Variants in CCDC192 observed in about 807,000 individuals in gnomAD.
CCDC192 encodes coiled-coil domain-containing protein 192.
At chr5:127,863,147 G>A (rs893732254) in intron 5 of CCDC192, among the ~76,000 whole-genome samples, 3 of 152,254 alleles carry the variant, frequency 2.0e-5, no homozygotes, top group African/African-American at 7.2e-5. Flanking sequence ...TAATTAAAAG[G>A]TAAAAAGTTT....
At chr5:127,854,066 A>G (rs1055939120) in intron 5 of CCDC192, among the ~76,000 whole-genome samples, 1 of 152,180 alleles carries the variant, frequency 6.6e-6, no homozygotes, top group African/African-American at 2.4e-5. Flanking sequence ...ACTGTTGATC[A>G]CACCCTTCTA....
chr5:127,812,079 C>T (rs1055194108), intron 5 of CCDC192, among the ~76,000 whole-genome samples: 1 of 152,114 alleles, frequency 6.6e-6, no homozygotes, highest in Non-Finnish European at 1.5e-5. Context: ...TCCACGACTG[C>T]AAAATGGGGA....
chr5:127,927,168 G>A (rs1214654037), intron 6 of CCDC192, among the ~76,000 whole-genome samples: 1 of 151,962 alleles, frequency 6.6e-6, no homozygotes, highest in Non-Finnish European at 1.5e-5. Context: ...CTTCAGTTTC[G>A]GTTACCAGAA....
intron 2 of CCDC192, among the ~76,000 whole-genome samples, chr5:127,746,173 CT>C (rs1753731393): frequency 6.6e-6 from 1 of 152,220 alleles, no homozygotes; most frequent in African/African-American, 2.4e-5. Context: ...AAAAGACTGA[CT>C]TTGCATTCTC....
chr5:127,740,664 C>T (rs1054772077), intron 2 of CCDC192, among the ~76,000 whole-genome samples: 1 of 151,986 alleles, frequency 6.6e-6, no homozygotes, highest in Non-Finnish European at 1.5e-5. Context: ...AAAAAATTAC[C>T]TCCAGTCTGA....
intron 6 of CCDC192, among the ~76,000 whole-genome samples, chr5:127,933,515 C>T (rs938156676): frequency 6.6e-5 from 10 of 152,166 alleles, no homozygotes; most frequent in South Asian, 2.1e-4. Context: ...CACCTCTCAC[C>T]GTGAGAGCAT....
chr5:127,776,582 A>C (rs1041444866), intron 3 of CCDC192, among the ~76,000 whole-genome samples: 1 of 152,244 alleles, frequency 6.6e-6, no homozygotes, highest in Non-Finnish European at 1.5e-5. Flanking sequence ...AATGTTAATC[A>C]TCAAGATGTT....
At chr5:127,754,002 A>G (rs1041308359) in intron 2 of CCDC192, among the ~76,000 whole-genome samples, 1 of 152,210 alleles carries the variant, frequency 6.6e-6, no homozygotes, top group Admixed American at 6.5e-5. Flanking sequence ...TCAAATTCCA[A>G]TGACAGTTAT....
At chr5:127,750,215 A>G (rs901693255) in intron 2 of CCDC192, among the ~76,000 whole-genome samples, 10 of 151,900 alleles carry the variant, frequency 6.6e-5, no homozygotes, top group African/African-American at 1.7e-4. Flanking sequence ...TAGGGTGTCA[A>G]TTTTGCATCT....
rs1755546669 is a variant in CCDC192, at chr5:127,771,453, TAATGGAGAGGGAGGC to T, written c.222+17088_222+17102del. Among the ~76,000 whole-genome samples the T allele has an allele frequency of 2.0e-5, 3 of 152,344 alleles. No individual in the cohort carries two copies. In the South Asian group the frequency reaches 6.2e-4, roughly 32 times the overall value. ...GAAAAGAAGCAAAAGTATGGGATGA[TAATGGAGAGGGAGGC>T]AATGGAGAGTTCAGTGGACACCTTT... On this transcript the variant is annotated intron_variant, in intron 3 of 6. Transcript: ENST00000514853.
At chr5:127,915,475 G>A (rs913196199) in intron 6 of CCDC192, among the ~76,000 whole-genome samples, 8 of 152,266 alleles carry the variant, frequency 5.3e-5, no homozygotes, top group East Asian at 1.9e-4. Context: ...TCTGCCTCCC[G>A]GGTTCAAGCA....
chr5:127,825,260 G>C (rs1469762704), intron 5 of CCDC192, among the ~76,000 whole-genome samples: 1 of 152,180 alleles, frequency 6.6e-6, no homozygotes, highest in Non-Finnish European at 1.5e-5. Flanking sequence ...CAGTCTAGAA[G>C]CTAACAAGTT....
chr5:127,893,559 C>T (rs1752789054), intron 6 of CCDC192, among the ~76,000 whole-genome samples: 1 of 152,138 alleles, frequency 6.6e-6, no homozygotes, highest in African/African-American at 2.4e-5. Context: ...TTACACTCTT[C>T]TATAAACACG....
chr5:127,911,128 G>T (rs889844123), intron 6 of CCDC192, among the ~76,000 whole-genome samples: 2 of 152,102 alleles, frequency 1.3e-5, no homozygotes, highest in African/African-American at 4.8e-5. Context: ...AATGGAAATC[G>T]CTTTCTTTAA....
At chr5:127,731,628 A>G (rs1222623320) in intron 2 of CCDC192, among the ~76,000 whole-genome samples, 2 of 152,228 alleles carry the variant, frequency 1.3e-5, no homozygotes, top group East Asian at 1.9e-4. Context: ...CTACAAGGCT[A>G]CAGTAACCAA....
intron 2 of CCDC192, among the ~76,000 whole-genome samples, chr5:127,719,313 G>A (rs1751822650): frequency 6.6e-6 from 1 of 151,502 alleles, no homozygotes; most frequent in South Asian, 2.1e-4. Context: ...TGGACACTTA[G>A]ACTGCTTCCA....
rs75752937 is a variant in CCDC192, at chr5:127,825,589, C to T, written c.411+27427C>T. ...TTGGGTTTTCCAGAAAGGTCCACAC[C>T]CCTAGGTGCTTCTGGGAGGTTCCTC... is the stretch of plus-strand genomic sequence containing the variant. On this transcript the variant is annotated intron_variant, in intron 5 of 6. Transcript: ENST00000514853. Among the ~76,000 whole-genome samples the T allele has an allele frequency of 3.8e-3, 576 of 152,258 alleles. 3 individuals are homozygous for T. Among genetic ancestry groups the T allele is most frequent in the African/African-American group, 0.013 (541 of 41,542 alleles).
intron 2 of CCDC192, among the ~76,000 whole-genome samples, chr5:127,735,734 G>A (rs1468424118): frequency 7.8e-6 from 1 of 128,764 alleles, no homozygotes; most frequent in East Asian, 2.5e-4. Flanking sequence ...CTGTTTGTCT[G>A]TTGTTGGTGT....
chr5:127,720,215 A>G (rs1561445786), intron 2 of CCDC192, among the ~76,000 whole-genome samples: 1 of 152,208 alleles, frequency 6.6e-6, no homozygotes, highest in Non-Finnish European at 1.5e-5. Context: ...CCAAGATACA[A>G]TGGGGGTACT....
Sources: allele counts gnomAD v4.1 joint callset (sites outside exome capture counted in the v4.1 genomes callset), GRCh38; gene constraint gnomAD v4.1.1; transcripts MANE v1.5; gene names NCBI Gene and HGNC (gene_info 2026-07-23, HGNC 2026-07-21).